Variants in ASAH1 observed in about 807,000 individuals in gnomAD.
ASAH1 encodes the protein acid ceramidase.
In ASAH1, 70 loss-of-function variants were observed where a neutral mutation model predicts 59.5. That is an observed-to-expected ratio of 1.18 (90% CI 0.97 to 1.43). The LOEUF (loss-of-function observed/expected upper bound fraction) is 1.43. Ranked by LOEUF, ASAH1 falls within the 40% of genes most tolerant of loss-of-function variation. The pLI is 0.00. For missense variants in ASAH1, 660 were observed against 482.5 expected (o/e 1.37, Z -3.45); for synonymous variants, 213 against 166.5 (o/e 1.28, Z -2.15).
At chr8:18,078,297 A>T (rs1274760083) in intron 1 of ASAH1, among the ~76,000 whole-genome samples, 1 of 152,224 alleles carries the variant, frequency 6.6e-6, no homozygotes, top group Non-Finnish European at 1.5e-5. Flanking sequence ...GTATTAGGAG[A>T]GAATGTGACC....
At chr8:18,058,700 AT>A in intron 13 of ASAH1, 134 bp downstream of exon 13, 2 of 785,246 alleles carry the variant, frequency 2.5e-6, no homozygotes, top group South Asian at 1.6e-5. Context: ...ACACAAAAAC[AT>A]TTTTTAATAA....
chr8:18,058,828 A>C lies in ASAH1; in HGVS notation c.1098+7T>G, dbSNP rs755533709. The C allele has an allele frequency of 2.5e-6, 4 of 1,606,356 alleles. No homozygotes were observed. The highest frequency in any genetic ancestry group is 3.4e-6 in the Non-Finnish European group (4 of 1,173,032). On this transcript the variant is annotated splice_region_variant and intron_variant, in intron 13 of 13. Transcript: ENST00000637790. ...AAAGGCAAATATACATATAACATTT[A>C]AAATACCTTGTTGAGGACAGGTTTT...
intron 8 of ASAH1, 31 bp downstream of exon 8, chr8:18,062,248 C>T (rs1799733826): frequency 6.2e-7 from 1 of 1,613,712 alleles, no homozygotes; most frequent in Admixed American, 1.7e-5. Flanking sequence ...AGAAGGCTAC[C>T]TGTATAATTA....
At chr8:18,075,001 C>CTTTTTGTTTTTTTT (rs769278694) in intron 2 of ASAH1, among the ~76,000 whole-genome samples, 1 of 148,468 alleles carries the variant, frequency 6.7e-6, no homozygotes. Flanking sequence ...AAAATCCTTT[C>CTTTTTGTTTTTTTT]CTTTTTTTTT....
At chr8:18,067,597 G>A (rs1346404344) in intron 4 of ASAH1, 1 of 164,248 alleles carries the variant, frequency 6.1e-6, no homozygotes, top group African/African-American at 2.4e-5. Context: ...GCAGGAACGA[G>A]AGTAATTCCA....
intron 5 of ASAH1, chr8:18,065,742 G>A (rs960198000): frequency 1.3e-5 from 2 of 152,044 alleles, no homozygotes; most frequent in South Asian, 2.1e-4. Context: ...CTAATTTGAA[G>A]ACTTACTATA....
rs1160623627 is a variant in ASAH1 at position 18,064,476 on chromosome 8, T to C, written c.438A>G (p.Ile146Met). ...FYELFTICTS[I>M]VAEDKKGHLI... is the part of the protein sequence containing the mutation. ...AATTACCTTTTTTGTCTTCTGCTAC[T>C]ATTGAAGTACAAATGGTAAATAATT... The change falls in exon 6 of 14, where the codon ATA becomes ATG. Residue 146 changes from isoleucine to methionine, a missense_variant. Physicochemically the swap from Ile to Met is conservative, Grantham distance 10 (BLOSUM62 1). Transcript: ENST00000637790. 2 of 1,577,680 alleles carry C rather than the reference T, an allele frequency of 1.3e-6. No homozygotes were observed. Among genetic ancestry groups the C allele is most frequent in the South Asian group, 2.2e-5 (2 of 89,826 alleles).
At chr8:18,063,346 C>G (rs1588980538) in intron 6 of ASAH1, 116 bp from the exon 7 acceptor site, 4 of 981,302 alleles carry the variant, frequency 4.1e-6, no homozygotes, top group Non-Finnish European at 6.4e-6. Flanking sequence ...TTCTGTTGGC[C>G]AGACTGGAGT....
In ASAH1 at chr8:18,057,538, C is replaced by A; in HGVS notation, c.1184G>T (p.Trp395Leu). The change falls in exon 14 of 14, where the codon TGG (tryptophan) becomes TTG (leucine). Residue 395 changes from tryptophan (W) to leucine (L), a missense_variant. By Grantham distance (61) the Trp-to-Leu change is moderately conservative (BLOSUM62 -2). Transcript: ENST00000637790. ...TTCTGTAGGCCAGACGTGTGCTCACCAACCTATACAAGGGTCAGGGCAGTC... is the reference window on the plus strand; with the variant it reads ...TTCTGTAGGCCAGACGTGTGCTCACAAACCTATACAAGGGTCAGGGCAGTC... ...LRDCPDPCIGW is the reference protein window; with the variant it reads ...LRDCPDPCIGL 1 of 1,597,086 alleles carries A rather than the reference C, an allele frequency of 6.3e-7. No individual in the cohort carries two copies. The highest frequency in any genetic ancestry group is 1.1e-5 in the South Asian group (1 of 90,880).
rs565126419 is a variant in ASAH1 at position 18,080,385 on chromosome 8, A to G, written c.78+3596T>C. On this transcript the variant is annotated intron_variant, in intron 1 of 13. Coordinates refer to ENST00000637790, the MANE Select transcript of ASAH1 (RefSeq NM_177924.5). The stretch of plus-strand genomic sequence containing the variant: ...CTCCCCTCTAGTTCCTTTCCTGCCA[A>G]TCACACTTAGCCTACCGCAAGCTGT... Among the ~76,000 whole-genome samples the G allele has an allele frequency of 3.9e-5, 6 of 152,224 alleles. No homozygotes were observed. The East Asian group carries it at 5.8e-4, about 15-fold the overall frequency.
chr8:18,064,486 C>T lies in ASAH1; in HGVS notation c.428G>A (p.Cys143Tyr). The change falls in exon 6 of 14, where the codon TGT becomes TAT. Residue 143 changes from cysteine (C) to tyrosine (Y), a missense_variant. Cys to Tyr is a radical substitution (Grantham distance 194). Coordinates refer to ENST00000637790, the MANE Select transcript of ASAH1 (RefSeq NM_177924.5). ...FNIFYELFTI[C>Y]TSIVAEDKKG... ...TTTGTCTTCTGCTACTATTGAAGTA[C>T]AAATGGTAAATAATTCATAAAAAAT... 1 of 1,582,590 alleles carries T rather than the reference C, an allele frequency of 6.3e-7. No individual in the cohort carries two copies. Among genetic ancestry groups the T allele is most frequent in the South Asian group, 1.1e-5 (1 of 89,816 alleles).
intron 6 of ASAH1, chr8:18,063,644 C>A (rs143499099): frequency 0.015 from 2,532 of 172,308 alleles, 31 homozygotes; most frequent in Non-Finnish European, 0.024. Context: ...TTTTTATTCA[C>A]AACTGTTTCT....
At chr8:18,061,623 A>C in intron 9 of ASAH1, 63 bp downstream of exon 9, 11 of 1,528,580 alleles carry the variant, frequency 7.2e-6, no homozygotes, top group Non-Finnish European at 9.8e-6. Context: ...CAGAAGGCAC[A>C]GTCCAGCCTT....
chr8:18,075,285 G>A (rs1000977871), intron 2 of ASAH1, among the ~76,000 whole-genome samples: 6 of 152,218 alleles, frequency 3.9e-5, no homozygotes, highest in East Asian at 1.9e-4. Context: ...GAGCCACCGC[G>A]TCTGGCTGAA....
intron 1 of ASAH1, among the ~76,000 whole-genome samples, chr8:18,076,946 T>C (rs2117082974): frequency 6.6e-6 from 1 of 152,344 alleles, no homozygotes; most frequent in East Asian, 1.9e-4. Flanking sequence ...TCTGGTAATT[T>C]TGCGTTGAAT....
chr8:18,067,379 A>G lies in ASAH1; in HGVS notation c.304-81T>C, dbSNP rs1256118385. 1.0e-5 allele frequency: 9 copies of G among 895,756 alleles called. No individual in the cohort carries two copies. The East Asian group carries it at 3.5e-4, about 35-fold the overall frequency. The allele number at this position is 895,756 out of a possible 1,614,324, so 55.5% of individuals were successfully genotyped here. On this transcript the variant is annotated intron_variant, in intron 4 of 13. Transcript: ENST00000637790. ...TAATATAATATAAACAAATATAATA[A>G]AAGCATGCTTTGAAATCTAGTTCTT...
intron 1 of ASAH1, 33 bp downstream of exon 1, chr8:18,083,948 C>G (rs772709983): frequency 6.3e-7 from 1 of 1,589,756 alleles, no homozygotes; most frequent in South Asian, 1.1e-5. Context: ...CACCTGCACG[C>G]CCCTCTCTGC....
intron 10 of ASAH1, 31 bp downstream of exon 10, chr8:18,061,346 T>C (rs756684786): frequency 6.5e-6 from 10 of 1,530,972 alleles, no homozygotes; most frequent in Middle Eastern, 3.6e-4. Flanking sequence ...TTAAAATAAA[T>C]ATTTAATAGT....
upstream of ASAH1, chr8:18,084,719 T>C: frequency 6.2e-7 from 1 of 1,613,806 alleles, no homozygotes; most frequent in East Asian, 2.2e-5. Context: ...AATTGAGGCC[T>C]CGGTGAAAAG....
Sources: allele counts gnomAD v4.1 joint callset (sites outside exome capture counted in the v4.1 genomes callset), GRCh38; gene constraint gnomAD v4.1.1; transcripts MANE v1.5; gene names NCBI Gene and HGNC (gene_info 2026-07-23, HGNC 2026-07-21).